The following PDXDC1 variants were observed in gnomAD, a reference collection of about 807,000 sequenced individuals.
PDXDC1 encodes pyridoxal dependent decarboxylase domain containing 1, also known as pyridoxal-dependent decarboxylase domain-containing protein 1.
In PDXDC1, 42 loss-of-function variants were observed where a neutral mutation model predicts 100.1. That is an observed-to-expected ratio of 0.42 (90% CI 0.33 to 0.54). The LOEUF (loss-of-function observed/expected upper bound fraction) is 0.54. Among genes scored for constraint, PDXDC1 ranks in the 20% least tolerant of loss-of-function variants. PDXDC1 has a pLI of 0.10. For synonymous variants in PDXDC1, 260 were observed against 371.7 expected (o/e 0.70, Z 3.46); for missense variants, 636 against 979.2 (o/e 0.65, Z 4.68).
chr16:15,041,533 T>C (rs1210323608), downstream of PDXDC1: 1 of 859,812 alleles, frequency 1.2e-6, no homozygotes, highest in Non-Finnish European at 2.0e-6. Flanking sequence ...GTGACAGCAG[T>C]GTGTGCCGGT....
intron 18 of PDXDC1, 53 bp downstream of exon 18, chr16:15,033,032 C>T (rs957052389): frequency 4.2e-6 from 5 of 1,203,818 alleles, no homozygotes; most frequent in Admixed American, 1.7e-5. Context: ...CACTTGGTAA[C>T]CGGCTTTGAA....
chr16:15,127,244 C>T (rs1270648058), intron 16 of PDXDC1: 2 of 475,532 alleles, frequency 4.2e-6, no homozygotes, highest in East Asian at 4.6e-5. Context: ...TCCGTGGCGT[C>T]TGCTTAGCGA....
Position 15,077,331 on chromosome 16 carries a change from G to C in PDXDC1, c.1399+47275G>C, listed in dbSNP as rs148475141. On this transcript the variant is annotated intron_variant, in intron 16 of 16. Transcript: ENST00000535621. ...CCTGTAAGTCACACATGTTGCTGGG[G>C]GGGGACTGGTGGGAGATAATTTGAA... 4.5e-3 allele frequency among the ~76,000 whole-genome samples: 688 copies of C among 152,214 alleles called. 6 individuals carry two copies. The highest frequency in any genetic ancestry group is 0.015 in the African/African-American group (631 of 41,542).
At chr16:15,147,056 G>T in the PDXDC1 span, among the ~76,000 whole-genome samples, 4 of 151,734 alleles carry the variant, frequency 2.6e-5, no homozygotes, top group Admixed American at 6.6e-5. Flanking sequence ...CTACAGGGAA[G>T]GGACACAGCA....
At chr16:15,044,726 G>T in intron 16 of PDXDC1, 2 of 352,520 alleles carry the variant, frequency 5.7e-6, no homozygotes, top group Non-Finnish European at 1.0e-5. Context: ...GCTCACATCT[G>T]TAATCCTAGC....
intron 19 of PDXDC1, 56 bp from the exon 20 acceptor site, chr16:15,034,225 GCTCTT>G: frequency 7.0e-7 from 1 of 1,432,444 alleles, no homozygotes; most frequent in African/African-American, 1.4e-5. Context: ...TGTGTTACTA[GCTCTT>G]CTGGGCCCCA....
the PDXDC1 span, among the ~76,000 whole-genome samples, chr16:15,147,999 GTTTTT>G: frequency 1.4e-5 from 2 of 146,420 alleles, no homozygotes; most frequent in African/African-American, 2.5e-5. Flanking sequence ...TTTTTGTTTT[GTTTTT>G]TTTTTAAAGA....
intron 16 of PDXDC1, among the ~76,000 whole-genome samples, chr16:15,112,267 G>T (rs2047098566): frequency 6.7e-6 from 1 of 148,488 alleles, no homozygotes; most frequent in Admixed American, 6.8e-5. Flanking sequence ...CAACCATGCT[G>T]AAGTGCAGTG....
chr16:15,094,355 G>T (rs1598035463), intron 16 of PDXDC1: 1 of 905,070 alleles, frequency 1.1e-6, no homozygotes, highest in Non-Finnish European at 1.7e-6. Context: ...GCCCCGCGTG[G>T]GGAGGGCGTA....
intron 12 of PDXDC1, among the ~76,000 whole-genome samples, chr16:15,020,549 C>T (rs1473281961): frequency 6.6e-6 from 1 of 152,320 alleles, no homozygotes; most frequent in Non-Finnish European, 1.5e-5. Flanking sequence ...ATTAGCCAGG[C>T]ATGGTGGCGG....
chr16:15,055,598 G>T, intron 16 of PDXDC1: 1 of 292,724 alleles, frequency 3.4e-6, no homozygotes, highest in Non-Finnish European at 6.3e-6. Context: ...CGGGGAATGG[G>T]GGTCCCGGCG....
At chr16:15,030,272 T>C (rs2042959500) in intron 16 of PDXDC1, among the ~76,000 whole-genome samples, 2 of 152,362 alleles carry the variant, frequency 1.3e-5, no homozygotes, top group African/African-American at 2.4e-5. Context: ...TGGCCGGGCA[T>C]GGTGGCTCAC....
chr16:15,034,650 G>T (rs1326890575), intron 21 of PDXDC1, 97 bp downstream of exon 21: 2 of 891,704 alleles, frequency 2.2e-6, no homozygotes, highest in Admixed American at 1.9e-5. Context: ...ATCCCGCCCT[G>T]GTTCCCGTTC....
At chr16:15,075,613 C>T (rs1187214326) in intron 16 of PDXDC1, among the ~76,000 whole-genome samples, 7 of 151,996 alleles carry the variant, frequency 4.6e-5, no homozygotes, top group Non-Finnish European at 1.0e-4. Flanking sequence ...AATGCAGACA[C>T]CTTTCCAGGC....
At chr16:15,068,253 T>C (rs1046304979) in intron 16 of PDXDC1, 2 of 1,581,748 alleles carry the variant, frequency 1.3e-6, no homozygotes, top group African/African-American at 1.4e-5. Context: ...CCGCTCAAAA[T>C]TCAGACTCTG....
intron 16 of PDXDC1, chr16:15,110,613 G>A: frequency 1.9e-6 from 3 of 1,576,940 alleles, no homozygotes; most frequent in East Asian, 2.2e-5. Flanking sequence ...TTCAGCCCTT[G>A]GTGAGAGTGA....
At position 15,038,124 on chromosome 16, in the gene PDXDC1, A is replaced by AGAT. The variant is rs751960695; in HGVS notation, c.*1851_*1853dup. 6.8e-6 allele frequency: 11 copies of AGAT among 1,612,052 alleles called. No individual in the cohort carries two copies. Among genetic ancestry groups the AGAT allele is most frequent in the South Asian group, 5.5e-5 (5 of 91,034 alleles). ...TTCCAGAAAACAGTGTGTGAGCTGG[A>AGAT]GATGGGTGTTTTTTTAAAAACATCA... On this transcript the variant is annotated 3_prime_UTR_variant, in exon 23 of 23. Transcript: ENST00000396410.
chr16:14,990,051 C>T, intron 1 of PDXDC1: 1 of 1,491,022 alleles, frequency 6.7e-7, no homozygotes, highest in Non-Finnish European at 8.9e-7. Flanking sequence ...CGCGCCGGAC[C>T]CCCCAAACCA....
Position 15,038,237 on chromosome 16 carries a change from G to C in PDXDC1, c.*1962G>C. On this transcript the variant is annotated 3_prime_UTR_variant, in exon 23 of 23. Coordinates refer to ENST00000396410, the MANE Select transcript of PDXDC1 (RefSeq NM_015027.4). ...TGAAAACACAAGATGGTGGGCATTA[G>C]AGAAGCCAACCTTACTGTCCCCTGC... 6.3e-7 allele frequency: 1 copy of C among 1,586,720 alleles called. No individual in the cohort carries two copies. Among genetic ancestry groups the C allele is most frequent in the East Asian group, 2.2e-5 (1 of 44,652 alleles).
Sources: allele counts gnomAD v4.1 joint callset (sites outside exome capture counted in the v4.1 genomes callset), GRCh38; gene constraint gnomAD v4.1.1; transcripts MANE v1.5; gene names NCBI Gene and HGNC (gene_info 2026-07-23, HGNC 2026-07-21).